The following PRKN variants were observed in gnomAD, a reference collection of about 807,000 sequenced individuals.
The protein encoded by PRKN is parkin RBR E3 ubiquitin protein ligase.
Under a neutral mutation model 59.5 loss-of-function variants are expected in PRKN, and 56 were observed. The observed-to-expected ratio is 0.94, with a 90% CI of 0.76 to 1.18. The LOEUF (loss-of-function observed/expected upper bound fraction) is 1.18, where lower values mean the gene tolerates loss of function less well. Among genes scored for constraint, PRKN ranks in the 50% most tolerant of loss-of-function variants. The probability of loss-of-function intolerance (pLI) is 0.00; values close to 1 mark genes in which losing one functional copy is unlikely to be tolerated. For missense variants in PRKN, 657 were observed against 596.4 expected (o/e 1.10, Z -1.06); for synonymous variants, 250 against 222.1 (o/e 1.13, Z -1.12).
chr6:162,619,710 T>TCACACACACA (rs56144864), intron 1 of PRKN, among the ~76,000 whole-genome samples: 1 of 150,386 alleles, frequency 6.6e-6, no homozygotes, highest in African/African-American at 2.4e-5. Flanking sequence ...CTTTTTCCAC[T>TCACACACACA]CACACACACA....
At chr6:161,818,220 G>C (rs113253274) in intron 6 of PRKN, among the ~76,000 whole-genome samples, 7 of 152,132 alleles carry the variant, frequency 4.6e-5, no homozygotes, top group African/African-American at 1.4e-4. Context: ...GAAACTCAAA[G>C]ACCAGTTTTT....
In PRKN at chr6:161,969,959, T is replaced by C. The variant is rs182278590; in HGVS notation, c.734+3343A>G. 7.9e-5 allele frequency among the ~76,000 whole-genome samples: 12 copies of C among 152,330 alleles called. No individual in the cohort carries two copies. In the East Asian group the frequency reaches 2.3e-3, roughly 29 times the overall value. The stretch of plus-strand genomic sequence containing the variant: ...TTTAGCTGAACTAAGGAGAAAGTCC[T>C]ACAACAGCATATCCCCACATAACGG... On this transcript the variant is annotated intron_variant, in intron 6 of 11. Coordinates refer to ENST00000366898, the MANE Select transcript of PRKN (RefSeq NM_004562.3).
At chr6:162,273,076 C>T (rs1202347731) in intron 2 of PRKN, among the ~76,000 whole-genome samples, 1 of 147,482 alleles carries the variant, frequency 6.8e-6, no homozygotes, top group African/African-American at 2.5e-5. Flanking sequence ...CAAGTACAAT[C>T]TGTGAAGAAA....
chr6:162,103,042 CAA>C (rs1163020488), intron 4 of PRKN, among the ~76,000 whole-genome samples: 9 of 54,318 alleles, frequency 1.7e-4, no homozygotes, highest in East Asian at 5.9e-4. Context: ...GACTCTGTCT[CAA>C]AAAAAAAAAA....
intron 1 of PRKN, among the ~76,000 whole-genome samples, chr6:162,579,635 TCA>T (rs370905211): frequency 6.1e-4 from 92 of 151,002 alleles, no homozygotes; most frequent in African/African-American, 1.0e-3. Context: ...ACACACAAAT[TCA>T]CACAGATTTA....
intron 1 of PRKN, among the ~76,000 whole-genome samples, chr6:162,674,242 A>G (rs1219983692): frequency 6.6e-6 from 1 of 152,204 alleles, no homozygotes; most frequent in East Asian, 1.9e-4. Context: ...AAGCCCCACC[A>G]ATGTCTTCAA....
At chr6:162,063,265 A>G (rs1954914) in intron 4 of PRKN, among the ~76,000 whole-genome samples, 452 of 152,366 alleles carry the variant, frequency 3.0e-3, no homozygotes, top group African/African-American at 0.01. Context: ...GGACACATTA[A>G]TAATACAGAC....
chr6:162,457,658 C>G (rs1328945880), intron 1 of PRKN, among the ~76,000 whole-genome samples: 2 of 152,036 alleles, frequency 1.3e-5, no homozygotes, highest in Non-Finnish European at 2.9e-5. Context: ...GCGTTGAAAC[C>G]AAATAGCCAT....
chr6:161,744,296 G>T (rs1334221226), intron 7 of PRKN, among the ~76,000 whole-genome samples: 4 of 151,506 alleles, frequency 2.6e-5, no homozygotes, highest in African/African-American at 4.9e-5. Context: ...GTGAACAGTG[G>T]GTCCAAAATA....
At position 161,757,875 on chromosome 6, in the gene PRKN, GTA is replaced by G. The variant is rs369226880; in HGVS notation, c.871+27895_871+27896del. 2.4e-3 allele frequency among the ~76,000 whole-genome samples: 56 copies of G among 23,482 alleles called. 4 individuals carry two copies. The highest frequency in any genetic ancestry group is 6.2e-3 in the African/African-American group (53 of 8,494). 15.4% of individuals were successfully genotyped at this position (23,482 alleles called of 152,430 possible). ...TCTCTCTCTCTCTCTCTCTCTCTGTGTATATATATATACACACACACACACAC... is the reference window on the plus strand; with the variant it reads ...TCTCTCTCTCTCTCTCTCTCTCTGTGTATATATATACACACACACACACAC... On this transcript the variant is annotated intron_variant, in intron 7 of 11. Coordinates refer to ENST00000366898, the MANE Select transcript of PRKN (RefSeq NM_004562.3).
At chr6:162,708,941 G>C (rs528024001) in intron 1 of PRKN, among the ~76,000 whole-genome samples, 38 of 152,282 alleles carry the variant, frequency 2.5e-4, no homozygotes, top group Admixed American at 1.4e-3. Context: ...CCTATCACTT[G>C]CCTTACCACC....
intron 1 of PRKN, among the ~76,000 whole-genome samples, chr6:162,556,784 T>A (rs1398504515): frequency 6.7e-6 from 1 of 149,200 alleles, no homozygotes; most frequent in East Asian, 2.0e-4. Context: ...AGCTGTAGCT[T>A]AGAACAGGAG....
intron 2 of PRKN, among the ~76,000 whole-genome samples, chr6:162,372,498 G>A (rs58718053): frequency 0.018 from 2,673 of 152,192 alleles, 90 homozygotes; most frequent in African/African-American, 0.057. Context: ...CTTCCGAGAG[G>A]GTTAAGCAAT....
intron 7 of PRKN, among the ~76,000 whole-genome samples, chr6:161,598,867 A>G (rs1782012250): frequency 6.6e-6 from 1 of 152,226 alleles, no homozygotes; most frequent in Non-Finnish European, 1.5e-5. Flanking sequence ...CCTAAGTACC[A>G]ATGAATATAA....
Position 161,356,744 on chromosome 6 carries a change from G to A in PRKN, c.1285+3344C>T, listed in dbSNP as rs922409915. 5.3e-5 allele frequency among the ~76,000 whole-genome samples: 8 copies of A among 152,100 alleles called. No homozygotes were observed. Among genetic ancestry groups the A allele is most frequent in the Admixed American group, 2.0e-4 (3 of 15,274 alleles). On this transcript the variant is annotated intron_variant, in intron 11 of 11. Transcript: ENST00000366898. This position sits in a 1 kb window ranked among gnomAD's most constrained non-coding sequence, Gnocchi z 7.8. Reference sequence around the variant, plus strand: ...AGGTGGGGTGCACCCTAGAGGAAAAGGTTTTCTAGGAGCAGCTAGCACTCT... The same window carrying A: ...AGGTGGGGTGCACCCTAGAGGAAAAAGTTTTCTAGGAGCAGCTAGCACTCT...
At chr6:161,655,599 G>C (rs1427209163) in intron 7 of PRKN, among the ~76,000 whole-genome samples, 1 of 152,230 alleles carries the variant, frequency 6.6e-6, no homozygotes, top group Non-Finnish European at 1.5e-5. Context: ...CAAACCGAGA[G>C]AGAAAGGCTT....
intron 1 of PRKN, among the ~76,000 whole-genome samples, chr6:162,593,596 G>A (rs939736221): frequency 6.6e-6 from 1 of 152,088 alleles, no homozygotes; most frequent in Non-Finnish European, 1.5e-5. Context: ...CAGATCTCTT[G>A]CCTTCAAGTT....
chr6:161,968,167 C>T (rs866495553), intron 6 of PRKN, among the ~76,000 whole-genome samples: 4 of 149,278 alleles, frequency 2.7e-5, no homozygotes, highest in South Asian at 2.1e-4. Context: ...ATTACAGGCG[C>T]GCGCCACCAT....
chr6:162,332,603 T>C (rs1033826307), intron 2 of PRKN, among the ~76,000 whole-genome samples: 28 of 152,202 alleles, frequency 1.8e-4, no homozygotes, highest in Non-Finnish European at 8.8e-5. Flanking sequence ...TATCCATCTG[T>C]TGGAAAATTG....
Sources: gnomAD v4.1 joint callset for allele counts (sites outside exome capture counted in the v4.1 genomes callset) on GRCh38, gnomAD v4.1.1 for gene constraint, Gnocchi (gnomAD v3.1) non-coding constraint, MANE v1.5 for transcripts, NCBI Gene and HGNC (gene_info 2026-07-23, HGNC 2026-07-21) for gene names.